Variants in CDK2AP2 observed in about 807,000 individuals in gnomAD.
The protein encoded by CDK2AP2 is cyclin dependent kinase 2 associated protein 2.
Under a neutral mutation model 13.0 loss-of-function variants are expected in CDK2AP2, and 1 was observed. The ratio of observed to expected loss-of-function variants is 0.08; its 90% confidence interval spans 0.03 to 0.37. The LOEUF is 0.37. Ranked by LOEUF, CDK2AP2 falls within the 10% of genes least tolerant of loss-of-function variation. The pLI is 0.99. For synonymous variants in CDK2AP2, 76 were observed against 73.0 expected (o/e 1.04, Z -0.21); for missense variants, 129 against 175.8 (o/e 0.73, Z 1.50).
At position 67,506,498 on chromosome 11, in the gene CDK2AP2, G is replaced by A; in HGVS notation, c.*447C>T. ...ACCAGACCCAGAAAGGCTCAGAGCTGAGAGCACAACTCCAAATCATCTTTT... is the reference window on the plus strand; with the variant it reads ...ACCAGACCCAGAAAGGCTCAGAGCTAAGAGCACAACTCCAAATCATCTTTT... On this transcript the variant is annotated 3_prime_UTR_variant, in exon 4 of 4. Coordinates refer to ENST00000301488, the MANE Select transcript of CDK2AP2 (RefSeq NM_005851.5). The A allele has an allele frequency of 4.1e-6, 1 of 241,148 alleles. No homozygotes were observed. The highest frequency in any genetic ancestry group is 8.3e-6 in the Non-Finnish European group (1 of 121,070). The allele number at this position is 241,148 out of a possible 1,614,324, so 14.9% of individuals were successfully genotyped here. A position where few individuals can be genotyped will look rare whatever the true frequency, so the allele number is the denominator to read the frequency against.
chr11:67,507,292 A>G lies in CDK2AP2; in HGVS notation c.313+73T>C, dbSNP rs904334257. On this transcript the variant is annotated intron_variant, in intron 3 of 3. Coordinates refer to ENST00000301488, the MANE Select transcript of CDK2AP2 (RefSeq NM_005851.5). ...TCTAGGCTTGGCTCAGGTGGCCTCC[A>G]GATGTCCTTCCTTCCCTCATGAAGG... 9 of 1,582,014 alleles carry G rather than the reference A, an allele frequency of 5.7e-6. No individual in the cohort carries two copies. The South Asian group carries it at 7.8e-5, about 14-fold the overall frequency.
At chr11:67,507,938 G>A (rs1866570165) in intron 1 of CDK2AP2, 63 bp downstream of exon 1, 3 of 1,549,130 alleles carry the variant, frequency 1.9e-6, no homozygotes, top group Non-Finnish European at 2.6e-6. Context: ...CAGAACTCAG[G>A]CCGTCTTCTC....
intron 1 of CDK2AP2, 150 bp downstream of exon 1, chr11:67,507,851 A>G: frequency 2.6e-6 from 4 of 1,538,212 alleles, no homozygotes; most frequent in Non-Finnish European, 2.6e-6. Flanking sequence ...TCCACCTACA[A>G]GCCCTTACGT....
Position 67,507,493 on chromosome 11 carries a change from A to G in CDK2AP2, c.185T>C (p.Met62Thr). The G allele has an allele frequency of 2.5e-6, 4 of 1,613,890 alleles. No homozygotes were observed. The highest frequency in any genetic ancestry group is 3.4e-6 in the Non-Finnish European group (4 of 1,180,024). The change falls in exon 3 of 4, where the codon ATG (methionine) becomes ACG (threonine). Residue 62 changes from methionine to threonine, a missense_variant. By Grantham distance (81) the Met-to-Thr change is moderately conservative. Transcript: ENST00000301488. ...GGAGCCCTGGGCGCCGGGTGGCTTC[A>G]TCGCCTATGTCAAAAGAGAACAGGG... Reference protein sequence around the residue: ...GPPSMGYVQAMKPPGAQGSQS... With the variant: ...GPPSMGYVQATKPPGAQGSQS...
rs779536080 is a variant in CDK2AP2 at position 67,508,024 on chromosome 11, C to G, written c.59G>C (p.Gly20Ala). ...PSSTPGSSTP[G>A]PGTPVPTGSV... ...ACCTGTAGGGACCGGGGTGCCCGGC[C>G]CAGGGGTGCTGGAGCCAGGGGTGCT... Residue 20 changes from glycine (G) to alanine (A), a missense_variant, in exon 1 of 4, where the codon GGG becomes GCG. Gly to Ala is a moderately conservative substitution (Grantham distance 60). Coordinates refer to ENST00000301488, the MANE Select transcript of CDK2AP2 (RefSeq NM_005851.5). 2.0e-6 allele frequency: 3 copies of G among 1,537,828 alleles called. No individual in the cohort carries two copies. The highest frequency in any genetic ancestry group is 1.2e-5 in the South Asian group (1 of 82,614).
At chr11:67,507,714 G>C in intron 1 of CDK2AP2, 25 bp from the exon 2 acceptor site, 1 of 1,611,028 alleles carries the variant, frequency 6.2e-7, no homozygotes, top group Non-Finnish European at 8.5e-7. Flanking sequence ...GCGAGTAAGA[G>C]GTCAGCGCGG....
Position 67,507,658 on chromosome 11 carries a change from T to C in CDK2AP2, c.114A>G (p.Pro38=), listed in dbSNP as rs751635404. ...GSVPSPSGSV[P]GAGAPFRPLF... ...GCGGTCTGAAAGGAGCGCCGGCTCC[T>C]GGCACTGAGCCCGACGGCGACGGGA... The change falls in exon 2 of 4, where the codon CCA becomes CCG. Residue 38 remains proline, a synonymous_variant. Transcript: ENST00000301488. 1.2e-6 allele frequency: 2 copies of C among 1,613,130 alleles called. No homozygotes were observed. Among genetic ancestry groups the C allele is most frequent in the African/African-American group, 1.3e-5 (1 of 74,954 alleles).
At position 67,508,014 on chromosome 11, in the gene CDK2AP2, G is replaced by A. The variant is rs759621854; in HGVS notation, c.69C>T (p.Thr23=). ...TPGSSTPGPG[T]PVPTGSVPSP... Reference sequence around the variant, plus strand: ...CTGGATCCTCACCTGTAGGGACCGGGGTGCCCGGCCCAGGGGTGCTGGAGC... The same window carrying A: ...CTGGATCCTCACCTGTAGGGACCGGAGTGCCCGGCCCAGGGGTGCTGGAGC... Residue 23 remains threonine (T), a synonymous_variant, in exon 1 of 4, where the codon ACC becomes ACT. Transcript: ENST00000301488. 1 of 1,542,702 alleles carries A rather than the reference G, an allele frequency of 6.5e-7. No individual in the cohort carries two copies. Among genetic ancestry groups the A allele is most frequent in the Non-Finnish European group, 8.7e-7 (1 of 1,144,816 alleles).
chr11:67,507,733 C>G, intron 1 of CDK2AP2, 44 bp from the exon 2 acceptor site: 7 of 1,602,670 alleles, frequency 4.4e-6, no homozygotes, highest in Non-Finnish European at 5.1e-6. Flanking sequence ...GGGGCAGGGA[C>G]GCCGCCTCCC....
intron 3 of CDK2AP2, 46 bp from the exon 4 acceptor site, chr11:67,507,058 C>T (rs748185453): frequency 7.1e-7 from 1 of 1,405,302 alleles, no homozygotes; most frequent in African/African-American, 1.4e-5. Flanking sequence ...GCCCCACCCA[C>T]TGCCCTCCAG....
In CDK2AP2 at chr11:67,508,062, G is replaced by T. The variant is rs1306624294; in HGVS notation, c.21C>A (p.Ala7=). 1 of 1,512,478 alleles carries T rather than the reference G, an allele frequency of 6.6e-7. No homozygotes were observed. Among genetic ancestry groups the T allele is most frequent in the South Asian group, 1.3e-5 (1 of 78,820 alleles). The allele number at this position is 1,512,478 out of a possible 1,614,324, so 93.7% of individuals were successfully genotyped here. A position where few individuals can be genotyped will look rare whatever the true frequency, so the allele number is the denominator to read the frequency against. MSYKPI[A]PAPSSTPGSS... is the part of the protein sequence containing the mutation. ...AGCCAGGGGTGCTGCTGGGAGCAGG[G>T]GCGATGGGTTTGTAGGACATCCCCA... The change falls in exon 1 of 4, where the codon GCC becomes GCA. Residue 7 remains alanine, a synonymous_variant. Coordinates refer to ENST00000301488, the MANE Select transcript of CDK2AP2 (RefSeq NM_005851.5).
intron 1 of CDK2AP2, 95 bp from the exon 2 acceptor site, chr11:67,507,784 C>T: frequency 6.4e-7 from 1 of 1,552,952 alleles, no homozygotes. Context: ...CGATTCCCTC[C>T]AAAGGATGCT....
Position 67,506,931 on chromosome 11 carries a change from C to A in CDK2AP2, c.*14G>T. 1 of 1,551,842 alleles carries A rather than the reference C, an allele frequency of 6.4e-7. No homozygotes were observed. Among genetic ancestry groups the A allele is most frequent in the Non-Finnish European group, 8.7e-7 (1 of 1,147,022 alleles). On this transcript the variant is annotated 3_prime_UTR_variant, in exon 4 of 4. Coordinates refer to ENST00000301488, the MANE Select transcript of CDK2AP2 (RefSeq NM_005851.5). The stretch of plus-strand genomic sequence containing the variant: ...GCCGGATAGGTCCAGACGCTGAGGC[C>A]GAGGCGCTTCCTGTTACGTGCGGGC...
At chr11:67,507,866 A>G in intron 1 of CDK2AP2, 135 bp downstream of exon 1, 1 of 1,540,474 alleles carries the variant, frequency 6.5e-7, no homozygotes, top group Non-Finnish European at 8.7e-7. Flanking sequence ...TTACGTGACC[A>G]CGCCCACTTC....
rs767543627 is a variant in CDK2AP2, at chr11:67,507,948, C to T, written c.82+53G>A. ...TATTGCAGAACTCAGGCCGTCTTCT[C>T]TTCGAGACCTCGACCGCCCGGCAGG... On this transcript the variant is annotated intron_variant, in intron 1 of 3. Transcript: ENST00000301488. 4 of 1,549,354 alleles carry T rather than the reference C, an allele frequency of 2.6e-6. No homozygotes were observed. In the African/African-American group the frequency reaches 4.1e-5, roughly 16 times the overall value.
At position 67,507,813 on chromosome 11, in the gene CDK2AP2, C is replaced by T. The variant is rs1866566918; in HGVS notation, c.83-124G>A. ...GGATGCTTCATTCCATGCTGATCAA[C>T]TTCAGGGACAAATCCCTCCCACTGC... On this transcript the variant is annotated intron_variant, in intron 1 of 3. Coordinates refer to ENST00000301488, the MANE Select transcript of CDK2AP2 (RefSeq NM_005851.5). 4 of 1,538,188 alleles carry T rather than the reference C, an allele frequency of 2.6e-6. No individual in the cohort carries two copies. In the South Asian group the frequency reaches 3.6e-5, roughly 14 times the overall value.
rs1046353 is a variant in CDK2AP2, at chr11:67,506,655, G to A, written c.*290C>T. 1 of 478,922 alleles carries A rather than the reference G, an allele frequency of 2.1e-6. No homozygotes were observed. Among genetic ancestry groups the A allele is most frequent in the African/African-American group, 2.0e-5 (1 of 49,878 alleles). The allele number at this position is 478,922 out of a possible 1,614,324, so 29.7% of individuals were successfully genotyped here. ...GAAGGAGGCTCGGGACAAAGTGGGA[G>A]AAGTGCTGGGAAGGGCTGAGCGGTA... On this transcript the variant is annotated 3_prime_UTR_variant, in exon 4 of 4. Transcript: ENST00000301488.
Position 67,506,633 on chromosome 11 carries a change from G to A in CDK2AP2, c.*312C>T. On this transcript the variant is annotated 3_prime_UTR_variant, in exon 4 of 4. Coordinates refer to ENST00000301488, the MANE Select transcript of CDK2AP2 (RefSeq NM_005851.5). Reference sequence around the variant, plus strand: ...GGCCTGTGCCCCTGCTGGGGGAGAAGGAGGCTCGGGACAAAGTGGGAGAAG... The same window carrying A: ...GGCCTGTGCCCCTGCTGGGGGAGAAAGAGGCTCGGGACAAAGTGGGAGAAG... 2.2e-6 allele frequency: 1 copy of A among 446,926 alleles called. No homozygotes were observed. The highest frequency in any genetic ancestry group is 2.8e-5 in the South Asian group (1 of 36,172). 27.7% of individuals were successfully genotyped at this position (446,926 alleles called of 1,614,324 possible).
In CDK2AP2 at chr11:67,508,137, C is replaced by CG. The variant is rs1442947164; in HGVS notation, c.-56dup. ...CCGGCCGCTCCTCGGGGGTTGGCTG[C>CG]GGGGCCGCTCAGCCGCGCTCTGATT... On this transcript the variant is annotated 5_prime_UTR_variant, in exon 1 of 4. Transcript: ENST00000301488. 4 of 1,433,470 alleles carry CG rather than the reference C, an allele frequency of 2.8e-6. No homozygotes were observed. The highest frequency in any genetic ancestry group is 2.3e-4 in the Middle Eastern group (1 of 4,442). The allele number at this position is 1,433,470 out of a possible 1,614,324, so 88.8% of individuals were successfully genotyped here.
Sources: gnomAD v4.1 joint callset for allele counts on GRCh38, gnomAD v4.1.1 for gene constraint, MANE v1.5 for transcripts, NCBI Gene and HGNC (gene_info 2026-07-23, HGNC 2026-07-21) for gene names.